Variants in PDSS2 observed in about 807,000 individuals in gnomAD.
PDSS2 encodes the protein all trans-polyprenyl-diphosphate synthase PDSS2.
A neutral mutation model predicts 44.5 loss-of-function variants in PDSS2; 31 were observed. That is an observed-to-expected ratio of 0.70 (90% CI 0.52 to 0.94). The LOEUF (loss-of-function observed/expected upper bound fraction) is 0.94. Ranked by LOEUF, PDSS2 falls within the 40% of genes least tolerant of loss-of-function variation. PDSS2 has a pLI of 0.00. For synonymous variants in PDSS2, 157 were observed against 180.3 expected, an observed-to-expected ratio of 0.87 and a Z score of 1.03; for missense variants, 452 against 482.2, an observed-to-expected ratio of 0.94 and a Z score of 0.59.
chr6:107,313,597 C>T (rs1239291847), intron 2 of PDSS2, among the ~76,000 whole-genome samples: 5 of 152,070 alleles, frequency 3.3e-5, no homozygotes, highest in African/African-American at 1.2e-4. Flanking sequence ...AAGTGATCCA[C>T]CTGCCTCAGC....
At chr6:107,188,645 G>C (rs1391689543) in intron 7 of PDSS2, among the ~76,000 whole-genome samples, 1 of 152,168 alleles carries the variant, frequency 6.6e-6, no homozygotes, top group African/African-American at 2.4e-5. Flanking sequence ...CTAGCGGGAG[G>C]TGTTTGGGTC....
chr6:107,225,804 T>C (rs549167159), intron 4 of PDSS2, among the ~76,000 whole-genome samples: 25 of 152,364 alleles, frequency 1.6e-4, no homozygotes, highest in African/African-American at 6.0e-4. Flanking sequence ...ACACTTCATT[T>C]AAACTTGGGA....
chr6:107,424,963 G>T (rs570541522), intron 1 of PDSS2, among the ~76,000 whole-genome samples: 7 of 152,292 alleles, frequency 4.6e-5, no homozygotes, highest in African/African-American at 1.4e-4. Context: ...AATCATGGGG[G>T]TGGGTCTTTC....
intron 1 of PDSS2, among the ~76,000 whole-genome samples, chr6:107,408,808 C>T (rs1381001384): frequency 2.0e-5 from 3 of 152,132 alleles, no homozygotes; most frequent in African/African-American, 7.2e-5. Context: ...CAAAATGAAT[C>T]AGAGAACCCT....
intron 6 of PDSS2, among the ~76,000 whole-genome samples, chr6:107,205,454 G>A (rs1448135452): frequency 2.0e-5 from 3 of 152,144 alleles, no homozygotes; most frequent in Non-Finnish European, 4.4e-5. Flanking sequence ...GTGCTCTGAA[G>A]GATTCTACTT....
At chr6:107,179,997 A>G (rs1404163400) in intron 7 of PDSS2, among the ~76,000 whole-genome samples, 3 of 152,204 alleles carry the variant, frequency 2.0e-5, no homozygotes, top group Non-Finnish European at 4.4e-5. Flanking sequence ...GATATCTTCT[A>G]ACTTACTAAA....
intron 1 of PDSS2, among the ~76,000 whole-genome samples, chr6:107,337,039 CCACACACACACACA>C (rs71861456): frequency 3.4e-4 from 48 of 141,598 alleles, no homozygotes; most frequent in South Asian, 1.7e-3. Flanking sequence ...CTTTCACATA[CCACACACACACACA>C]CACACACACA....
intron 3 of PDSS2, among the ~76,000 whole-genome samples, chr6:107,253,161 G>A (rs554623343): frequency 2.0e-5 from 3 of 152,228 alleles, no homozygotes; most frequent in African/African-American, 7.2e-5. Flanking sequence ...TCAGCCTCCT[G>A]AGTAGCTGGG....
chr6:107,286,166 C>G (rs1450251655), intron 2 of PDSS2, among the ~76,000 whole-genome samples: 4 of 128,094 alleles, frequency 3.1e-5, no homozygotes, highest in African/African-American at 8.9e-5. Context: ...GAAAAGAAAA[C>G]AAAGGATAAA....
intron 7 of PDSS2, among the ~76,000 whole-genome samples, chr6:107,169,574 C>CT (rs1263346550): frequency 6.6e-6 from 1 of 152,110 alleles, no homozygotes; most frequent in Non-Finnish European, 1.5e-5. Context: ...GAATTTTCAG[C>CT]TTTTCTGCTC....
In PDSS2 at chr6:107,226,708, C is replaced by T. The variant is rs192078507; in HGVS notation, c.703-14426G>A. 4.0e-4 allele frequency among the ~76,000 whole-genome samples: 57 copies of T among 140,902 alleles called. 2 individuals carry two copies. In the East Asian group the frequency reaches 0.011, roughly 27 times the overall value. The allele number at this position is 140,902 out of a possible 152,430, so 92.4% of individuals were successfully genotyped here. A position where few individuals can be genotyped will look rare whatever the true frequency, so the allele number is the denominator to read the frequency against. On this transcript the variant is annotated intron_variant, in intron 4 of 7. Coordinates refer to ENST00000369037, the MANE Select transcript of PDSS2 (RefSeq NM_020381.4). ...TTTTTGAGATGGAGTCTCGTTCTGTCGCCCAGGCTGGAATGCAGTGGCGCA... is the reference window on the plus strand; with the variant it reads ...TTTTTGAGATGGAGTCTCGTTCTGTTGCCCAGGCTGGAATGCAGTGGCGCA...
intron 4 of PDSS2, among the ~76,000 whole-genome samples, chr6:107,224,977 T>C (rs966652333): frequency 6.7e-6 from 1 of 149,196 alleles, no homozygotes; most frequent in Non-Finnish European, 1.5e-5. Flanking sequence ...GGCTGAAGAA[T>C]CTGCTCCAAG....
At chr6:107,238,208 T>C (rs1774294776) in intron 4 of PDSS2, among the ~76,000 whole-genome samples, 1 of 152,244 alleles carries the variant, frequency 6.6e-6, no homozygotes, top group South Asian at 2.1e-4. Context: ...AACACCAACA[T>C]GAGTCAGAGA....
At chr6:107,279,164 A>C (rs922026583) in intron 2 of PDSS2, among the ~76,000 whole-genome samples, 1 of 151,872 alleles carries the variant, frequency 6.6e-6, no homozygotes, top group African/African-American at 2.4e-5. Flanking sequence ...GGTTGCAGTG[A>C]GCCGAGATCA....
At chr6:107,390,007 C>T (rs1779731686) in intron 1 of PDSS2, among the ~76,000 whole-genome samples, 1 of 151,746 alleles carries the variant, frequency 6.6e-6, no homozygotes, top group Non-Finnish European at 1.5e-5. Context: ...ATTTGAGCAA[C>T]AAAATAACAT....
At chr6:107,312,187 C>T (rs1006024470) in intron 2 of PDSS2, among the ~76,000 whole-genome samples, 1 of 152,176 alleles carries the variant, frequency 6.6e-6, no homozygotes, top group Non-Finnish European at 1.5e-5. Context: ...TTCTCCCTTC[C>T]TTGGTATCCT....
intron 6 of PDSS2, among the ~76,000 whole-genome samples, chr6:107,205,253 A>C (rs1170831784): frequency 6.6e-6 from 1 of 152,212 alleles, no homozygotes; most frequent in African/African-American, 2.4e-5. Flanking sequence ...AAGGTATTTC[A>C]TGACAGTGTC....
intron 1 of PDSS2, among the ~76,000 whole-genome samples, chr6:107,458,412 C>CAAAAATAAAAAA (rs1782120895): frequency 1.3e-5 from 1 of 78,182 alleles, no homozygotes; most frequent in Non-Finnish European, 2.5e-5. Flanking sequence ...GACTCCGTCT[C>CAAAAATAAAAAA]AAAAAAAAAA....
chr6:107,261,170 T>A (rs986380316), intron 3 of PDSS2, among the ~76,000 whole-genome samples: 1 of 152,218 alleles, frequency 6.6e-6, no homozygotes, highest in African/African-American at 2.4e-5. Flanking sequence ...CTCTTCTCCA[T>A]CTATCCTTTC....
Sources: allele counts gnomAD v4.1 joint callset (sites outside exome capture counted in the v4.1 genomes callset), GRCh38; gene constraint gnomAD v4.1.1; transcripts MANE v1.5; gene names NCBI Gene and HGNC (gene_info 2026-07-23, HGNC 2026-07-21).